The following DNAH11 variants were observed in gnomAD, a reference collection of about 807,000 sequenced individuals.
DNAH11 encodes axonemal beta dynein heavy chain 11.
In DNAH11, 442 loss-of-function variants were observed where a neutral mutation model predicts 526.0. That is an observed-to-expected ratio of 0.84 (90% CI 0.78 to 0.91). The LOEUF is 0.91. Among genes scored for constraint, DNAH11 ranks in the 40% least tolerant of loss-of-function variants. The probability of loss-of-function intolerance (pLI) is 0.00; values close to 1 mark genes in which losing one functional copy is unlikely to be tolerated. For synonymous variants in DNAH11, 2,461 were observed against 1,935.9 expected, an observed-to-expected ratio of 1.27 and a Z score of -7.12; for missense variants, 6,989 against 5,448.7, an observed-to-expected ratio of 1.28 and a Z score of -8.90.
intron 63 of DNAH11, among the ~76,000 whole-genome samples, chr7:21,814,744 T>G (rs1306962917): frequency 6.6e-6 from 1 of 152,170 alleles, no homozygotes; most frequent in African/African-American, 2.4e-5. Context: ...CTGTTGTATA[T>G]GCAGTCCATC....
chr7:21,588,400 A>T (rs951250610), intron 10 of DNAH11, 112 bp from the exon 11 acceptor site: 1 of 1,401,644 alleles, frequency 7.1e-7, no homozygotes, highest in Non-Finnish European at 9.8e-7. Context: ...GATTAAACAC[A>T]TATGTTTTAT....
At chr7:21,707,308 A>G (rs1784306713) in intron 39 of DNAH11, among the ~76,000 whole-genome samples, 1 of 152,214 alleles carries the variant, frequency 6.6e-6, no homozygotes, top group Non-Finnish European at 1.5e-5. Context: ...AATACCCTCC[A>G]AACAGTTCTG....
intron 25 of DNAH11, among the ~76,000 whole-genome samples, chr7:21,635,142 GTTT>G: frequency 1.1e-5 from 1 of 89,160 alleles, no homozygotes; most frequent in South Asian, 3.9e-4. Context: ...GTGGGGGGCA[GTTT>G]GTTTGTTTGT....
intron 81 of DNAH11, 106 bp from the exon 82 acceptor site, chr7:21,900,901 T>C (rs1784777264): frequency 6.8e-6 from 10 of 1,474,954 alleles, no homozygotes; most frequent in Non-Finnish European, 9.0e-6. Context: ...AGCAAAAATA[T>C]GACAAAACCA....
At chr7:21,650,518 C>T (rs534037936) in intron 28 of DNAH11, among the ~76,000 whole-genome samples, 1 of 146,418 alleles carries the variant, frequency 6.8e-6, no homozygotes, top group South Asian at 2.1e-4. Flanking sequence ...ATGTGCCATA[C>T]TGATTTAACT....
intron 35 of DNAH11, among the ~76,000 whole-genome samples, chr7:21,691,317 A>G (rs1783614621): frequency 1.3e-5 from 2 of 151,626 alleles, no homozygotes; most frequent in South Asian, 4.2e-4. Flanking sequence ...TAGCCTTTCC[A>G]GAGCACAGGG....
intron 46 of DNAH11, among the ~76,000 whole-genome samples, chr7:21,738,097 ATC>A (rs1224347841): frequency 6.6e-6 from 1 of 152,210 alleles, no homozygotes; most frequent in Non-Finnish European, 1.5e-5. Flanking sequence ...CAGATACTAC[ATC>A]TCAGACACGC....
chr7:21,663,467 C>T (rs949117449), intron 30 of DNAH11, among the ~76,000 whole-genome samples: 4 of 151,792 alleles, frequency 2.6e-5, no homozygotes, highest in African/African-American at 9.7e-5. Flanking sequence ...TCTTTTTTTT[C>T]CGCATCTTCA....
At chr7:21,562,945 G>A (rs1403056395) in intron 5 of DNAH11, among the ~76,000 whole-genome samples, 1 of 151,880 alleles carries the variant, frequency 6.6e-6, no homozygotes, top group East Asian at 1.9e-4. Flanking sequence ...TTTTGTTCTT[G>A]ACACAAGTCT....
rs778255538 is a variant in DNAH11 at position 21,591,408 on chromosome 7, A to C, written c.2498A>C (p.Asn833Thr). The change falls in exon 14 of 82, where the codon AAC becomes ACC. Residue 833 changes from asparagine (N) to threonine (T), a missense_variant. Coordinates refer to ENST00000409508, the MANE Select transcript of DNAH11 (RefSeq NM_001277115.2). ...CACAGAGTTGAGCGCACACAGAAAA[A>C]CGTGAAGGTGATCCAGCAGACCATG... ...LEHRVERTQKNVKVIQQTMRG... is the reference protein window; with the variant it reads ...LEHRVERTQKTVKVIQQTMRG... 1.2e-6 allele frequency: 2 copies of C among 1,613,878 alleles called. No individual in the cohort carries two copies. Among genetic ancestry groups the C allele is most frequent in the Admixed American group, 1.7e-5 (1 of 60,010 alleles).
At chr7:21,836,912 G>A (rs1782016838) in intron 65 of DNAH11, among the ~76,000 whole-genome samples, 2 of 151,880 alleles carry the variant, frequency 1.3e-5, no homozygotes, top group Admixed American at 6.6e-5. Flanking sequence ...AAATGAAAAG[G>A]ATGTGATTCT....
At chr7:21,686,472 T>C (rs1173503895) in intron 32 of DNAH11, among the ~76,000 whole-genome samples, 2 of 152,234 alleles carry the variant, frequency 1.3e-5, no homozygotes, top group Non-Finnish European at 2.9e-5. Context: ...TGTTTCATGA[T>C]TTTCTAAGAA....
chr7:21,851,414 C>T (rs955373487), intron 66 of DNAH11: 1 of 338,840 alleles, frequency 3.0e-6, no homozygotes, highest in Non-Finnish European at 6.0e-6. Context: ...AGTCCTTTAT[C>T]GCACCTTGAG....
intron 30 of DNAH11, among the ~76,000 whole-genome samples, chr7:21,677,384 T>C (rs539213106): frequency 6.6e-6 from 1 of 152,126 alleles, no homozygotes; most frequent in Non-Finnish European, 1.5e-5. Context: ...TGATCAGTAA[T>C]CTTTTTTTAT....
chr7:21,825,959 C>CAAAA (rs56255077), intron 65 of DNAH11, among the ~76,000 whole-genome samples: 1 of 68,292 alleles, frequency 1.5e-5, no homozygotes, highest in African/African-American at 5.2e-5. Flanking sequence ...ACTCTGTCTC[C>CAAAA]AAAAAAAAAA....
chr7:21,761,960 C>T (rs1238363371), intron 54 of DNAH11, among the ~76,000 whole-genome samples: 1 of 152,050 alleles, frequency 6.6e-6, no homozygotes, highest in African/African-American at 2.4e-5. Flanking sequence ...GCTGGAGAGG[C>T]CTCAGGAAAC....
intron 8 of DNAH11, among the ~76,000 whole-genome samples, chr7:21,576,059 C>T (rs1439829111): frequency 2.0e-5 from 3 of 152,114 alleles, no homozygotes; most frequent in African/African-American, 4.8e-5. Context: ...AAACACTGGC[C>T]GTTATACAGT....
At chr7:21,651,909 G>A (rs1359716087) in intron 28 of DNAH11, among the ~76,000 whole-genome samples, 1 of 152,234 alleles carries the variant, frequency 6.6e-6, no homozygotes, top group Non-Finnish European at 1.5e-5. Flanking sequence ...AATTCTGTCA[G>A]TGATTAGCCA....
intron 68 of DNAH11, among the ~76,000 whole-genome samples, chr7:21,855,029 A>ATTTT (rs61635369): frequency 1.6e-4 from 18 of 114,568 alleles, no homozygotes; most frequent in African/African-American, 5.3e-4. Context: ...CAGTCTCTTA[A>ATTTT]TTTTTTTTTT....
Sources: allele counts gnomAD v4.1 joint callset (sites outside exome capture counted in the v4.1 genomes callset), GRCh38; gene constraint gnomAD v4.1.1; transcripts MANE v1.5; gene names NCBI Gene and HGNC (gene_info 2026-07-23, HGNC 2026-07-21).